The following CASD1 variants were observed in gnomAD, a reference collection of about 807,000 sequenced individuals.
CASD1 encodes the protein CAS1 domain sialic acid O acetyltransferase 1.
A neutral mutation model predicts 100.0 loss-of-function variants in CASD1; 41 were observed. The ratio of observed to expected loss-of-function variants is 0.41; its 90% CI spans 0.32 to 0.53. CASD1 has a LOEUF of 0.53. CASD1 is among the 20% of genes least tolerant of loss of function. The pLI is 0.25. For missense variants in CASD1, 774 were observed against 948.7 expected (o/e 0.82, Z 2.42); for synonymous variants, 321 against 315.6 (o/e 1.02, Z -0.18).
At chr7:94,596,060 G>A in the CASD1 span, among the ~76,000 whole-genome samples, 1 of 152,036 alleles carries the variant, frequency 6.6e-6, no homozygotes, top group Non-Finnish European at 1.5e-5. Context: ...TCTGAATAAT[G>A]TGAAGGTTTT....
At chr7:94,600,765 A>C in the CASD1 span, 3 of 1,613,666 alleles carry the variant, frequency 1.9e-6, no homozygotes, top group Non-Finnish European at 2.5e-6. Context: ...TTTTCAAAGA[A>C]TCAGAAGGGG....
Position 94,551,474 on chromosome 7 carries a change from T to C in CASD1, c.1952T>C (p.Phe651Ser). ...CTGTTGTTTATTTCAGTAGTTTCTT[T>C]CTTGGTAAGTTTTGAAAACTTTCCA... ...NFLLFISVVSFLTYSIWASSC... is the reference protein window; with the variant it reads ...NFLLFISVVSSLTYSIWASSC... The change falls in exon 15 of 18, where the codon TTC (phenylalanine) becomes TCC (serine). Residue 651 changes from phenylalanine to serine, a missense_variant. Phe to Ser is a radical substitution (Grantham distance 155). Transcript: ENST00000297273. 1 of 1,453,982 alleles carries C rather than the reference T, an allele frequency of 6.9e-7. No individual in the cohort carries two copies. The allele number at this position is 1,453,982 out of a possible 1,614,324, so 90.1% of individuals were successfully genotyped here.
downstream of CASD1, among the ~76,000 whole-genome samples, chr7:94,559,930 A>G (rs895773974): frequency 1.3e-5 from 2 of 152,220 alleles, no homozygotes; most frequent in Non-Finnish European, 2.9e-5. Context: ...CTTCAATATT[A>G]TACATGCCTA....
chr7:94,521,480 A>ATG (rs1794266170), intron 3 of CASD1, among the ~76,000 whole-genome samples: 1 of 152,218 alleles, frequency 6.6e-6, no homozygotes. Context: ...AAGTGTTCTA[A>ATG]TGTACTCTAT....
intron 1 of CASD1, among the ~76,000 whole-genome samples, chr7:94,516,329 ACTTGT>A (rs1336020236): frequency 1.3e-5 from 2 of 152,124 alleles, no homozygotes; most frequent in Non-Finnish European, 2.9e-5. Context: ...ATTTATGCAT[ACTTGT>A]CTTGTATTTG....
chr7:94,564,184 G>C, the CASD1 span, among the ~76,000 whole-genome samples: 5 of 152,330 alleles, frequency 3.3e-5, no homozygotes, highest in East Asian at 9.7e-4. Context: ...CACTAAGCCA[G>C]TAGACATGTA....
intron 11 of CASD1, among the ~76,000 whole-genome samples, chr7:94,545,248 C>T (rs1157088210): frequency 6.6e-6 from 1 of 152,068 alleles, no homozygotes. Flanking sequence ...CTATAGCCCT[C>T]AGAAGGACGA....
At chr7:94,531,146 CTT>C (rs935736760) in intron 5 of CASD1, among the ~76,000 whole-genome samples, 4 of 151,956 alleles carry the variant, frequency 2.6e-5, no homozygotes, top group Non-Finnish European at 4.4e-5. Context: ...TCAAGGAAAA[CTT>C]TTTGAGGATA....
intron 5 of CASD1, among the ~76,000 whole-genome samples, chr7:94,528,714 G>C (rs3173533): frequency 0.82 from 124,202 of 152,020 alleles, 51,583 homozygotes; most frequent in East Asian, 1. Context: ...TTTAGCTCAT[G>C]ATGTTTGGAG....
the CASD1 span, chr7:94,629,696 T>C: frequency 1.9e-6 from 3 of 1,610,116 alleles, no homozygotes; most frequent in Admixed American, 3.3e-5. Flanking sequence ...TTAACTGCTT[T>C]TTTTTCCTCA....
chr7:94,530,138 C>G (rs1336458434), intron 5 of CASD1, among the ~76,000 whole-genome samples: 1 of 152,130 alleles, frequency 6.6e-6, no homozygotes, highest in Non-Finnish European at 1.5e-5. Flanking sequence ...GCACAGCAAA[C>G]AGGATTACAG....
the CASD1 span, chr7:94,600,358 A>G: frequency 5.4e-6 from 2 of 368,778 alleles, no homozygotes; most frequent in Non-Finnish European, 1.0e-5. Flanking sequence ...GATGGCTTGT[A>G]TAACCAAAAT....
At chr7:94,514,135 T>TC (rs893516586) in intron 1 of CASD1, among the ~76,000 whole-genome samples, 2 of 152,162 alleles carry the variant, frequency 1.3e-5, no homozygotes, top group Admixed American at 1.3e-4. Context: ...CTTTTTTTTT[T>TC]CACTAAGCAT....
the CASD1 span, chr7:94,626,646 C>T: frequency 6.6e-6 from 1 of 151,766 alleles, no homozygotes; most frequent in Non-Finnish European, 1.5e-5. Context: ...TGATGGTTTC[C>T]ATTTCTTCTT....
the CASD1 span, among the ~76,000 whole-genome samples, chr7:94,579,858 A>G: frequency 1.3e-5 from 2 of 152,176 alleles, no homozygotes; most frequent in African/African-American, 4.8e-5. Flanking sequence ...CCTCAAGTTC[A>G]CTTTGCATAA....
At chr7:94,602,651 T>C in the CASD1 span, among the ~76,000 whole-genome samples, 1 of 151,838 alleles carries the variant, frequency 6.6e-6, no homozygotes, top group Non-Finnish European at 1.5e-5. Flanking sequence ...AAATATTATA[T>C]ACAGACATAT....
chr7:94,598,980 T>G, the CASD1 span: 12 of 1,593,982 alleles, frequency 7.5e-6, no homozygotes, highest in Non-Finnish European at 1.0e-5. Flanking sequence ...CAAAAAGAAA[T>G]AAAACAACAT....
At chr7:94,510,931 G>A (rs1326788395) in intron 1 of CASD1, among the ~76,000 whole-genome samples, 4 of 152,252 alleles carry the variant, frequency 2.6e-5, no homozygotes, top group Admixed American at 6.5e-5. Context: ...GTTGACAGGC[G>A]TAAAGGTGGG....
chr7:94,629,621 ATAATGT>A, the CASD1 span: 1 of 1,095,442 alleles, frequency 9.1e-7, no homozygotes. Flanking sequence ...ACCATTTGAA[ATAATGT>A]TAATGATATT....
Sources: gnomAD v4.1 joint callset for allele counts (sites outside exome capture counted in the v4.1 genomes callset) on GRCh38, gnomAD v4.1.1 for gene constraint, MANE v1.5 for transcripts, NCBI Gene and HGNC (gene_info 2026-07-23, HGNC 2026-07-21) for gene names.